FBN3: variants seen among roughly 807,000 people sequenced by gnomAD.
FBN3 encodes fibrillin 3.
FBN3 carries 234 observed loss-of-function variants against 330.1 expected under a neutral mutation model. The ratio of observed to expected loss-of-function variants is 0.71; its 90% CI spans 0.64 to 0.79. The LOEUF (loss-of-function observed/expected upper bound fraction) is 0.79, where lower values mean the gene tolerates loss of function less well. FBN3 is among the 30% of genes least tolerant of loss of function. The pLI, the probability that FBN3 is intolerant of heterozygous loss-of-function variation, is 0.00. For synonymous variants in FBN3, 1,458 were observed against 1,517.3 expected (o/e 0.96, Z 0.91); for missense variants, 3,606 against 3,886.9 (o/e 0.93, Z 1.92).
Position 8,083,322 on chromosome 19 carries a change from T to C in FBN3, c.7138A>G (p.Ile2380Val), listed in dbSNP as rs1369287843. The change falls in exon 57 of 64, where the codon ATC (isoleucine) becomes GTC (valine). Residue 2380 changes from isoleucine to valine, a missense_variant. By Grantham distance (29) the Ile-to-Val change is conservative. Transcript: ENST00000600128. ...LAHLCAHGEC[I>V]NSLGSFRCHC... ...CAGCGGAAGGAGCCAAGGCTGTTGA[T>C]GCACTCCCCATGAGCACACAGGTGA... The C allele has an allele frequency of 1.2e-6, 2 of 1,614,100 alleles. No individual in the cohort carries two copies. The highest frequency in any genetic ancestry group is 1.1e-5 in the South Asian group (1 of 91,090).
chr19:8,140,324 C>A (rs1257806845), intron 8 of FBN3, among the ~76,000 whole-genome samples: 1 of 152,100 alleles, frequency 6.6e-6, no homozygotes, highest in Non-Finnish European at 1.5e-5. Flanking sequence ...ATTAGCCGGG[C>A]ATGGTGGTGG....
At position 8,083,494 on chromosome 19, in the gene FBN3, C is replaced by A; in HGVS notation, c.7088-122G>T. On this transcript the variant is annotated intron_variant, in intron 56 of 63. Coordinates refer to ENST00000600128, the MANE Select transcript of FBN3 (RefSeq NM_032447.5). Reference sequence around the variant, plus strand: ...GGAAAGTCCAGCCTCCCTTCCACACCGGCCACTGCACCCCAGCCCACGTGG... The same window carrying A: ...GGAAAGTCCAGCCTCCCTTCCACACAGGCCACTGCACCCCAGCCCACGTGG... 3.4e-6 allele frequency: 4 copies of A among 1,185,544 alleles called. No homozygotes were observed. The South Asian group carries it at 5.5e-5, about 16-fold the overall frequency. 73.4% of individuals were successfully genotyped at this position (1,185,544 alleles called of 1,614,324 possible). A position where few individuals can be genotyped will look rare whatever the true frequency, so the allele number is the denominator to read the frequency against.
rs1599302464 is a variant in FBN3 at position 8,087,000 on chromosome 19, C to T, written c.6754+77G>A. ...GGATGACAGGTATGAGTCACCGTGC[C>T]CGGTCCAACCCTCTTGCTTTGACCT... On this transcript the variant is annotated intron_variant, in intron 54 of 63. Coordinates refer to ENST00000600128, the MANE Select transcript of FBN3 (RefSeq NM_032447.5). 11 of 1,521,986 alleles carry T rather than the reference C, an allele frequency of 7.2e-6. 1 individual carries two copies. The South Asian group carries it at 1.1e-4, about 15-fold the overall frequency. The allele number at this position is 1,521,986 out of a possible 1,614,324, so 94.3% of individuals were successfully genotyped here. A position where few individuals can be genotyped will look rare whatever the true frequency, so the allele number is the denominator to read the frequency against.
At chr19:8,116,211 T>C (rs1379428041) in intron 29 of FBN3, among the ~76,000 whole-genome samples, 4 of 152,162 alleles carry the variant, frequency 2.6e-5, no homozygotes, top group African/African-American at 9.7e-5. Flanking sequence ...GCAGTACACA[T>C]CTGCTCCCCA....
At chr19:8,082,456 C>CCCTTCCTTCCTTCCTT (rs201197502) in intron 57 of FBN3, among the ~76,000 whole-genome samples, 3 of 136,136 alleles carry the variant, frequency 2.2e-5, no homozygotes, top group African/African-American at 8.4e-5. Context: ...TCCTTCCCTT[C>CCCTTCCTTCCTTCCTT]CCTTCCTTCC....
intron 21 of FBN3, 45 bp downstream of exon 21, chr19:8,126,252 C>A (rs369908148): frequency 1.3e-6 from 2 of 1,563,248 alleles, no homozygotes; most frequent in Middle Eastern, 1.8e-4. Context: ...TGGTTGTGTG[C>A]GGGCTCTGGA....
At chr19:8,143,047 A>T (rs1278887127) in intron 6 of FBN3, among the ~76,000 whole-genome samples, 1 of 152,114 alleles carries the variant, frequency 6.6e-6, no homozygotes, top group East Asian at 1.9e-4. Context: ...AGGCACCCAG[A>T]TGCCTCTGCA....
At chr19:8,115,447 C>T in intron 30 of FBN3, 68 bp downstream of exon 30, 1 of 1,572,016 alleles carries the variant, frequency 6.4e-7, no homozygotes, top group Non-Finnish European at 8.6e-7. Flanking sequence ...GGGATGGAAA[C>T]AGACCCCATG....
chr19:8,111,035 T>C, intron 33 of FBN3, 23 bp downstream of exon 33: 1 of 1,613,442 alleles, frequency 6.2e-7, no homozygotes. Context: ...CTCTGTCCTC[T>C]GCCCTGGCGG....
At chr19:8,092,582 G>T (rs2082119379) in intron 47 of FBN3, among the ~76,000 whole-genome samples, 1 of 151,672 alleles carries the variant, frequency 6.6e-6, no homozygotes, top group Non-Finnish European at 1.5e-5. Context: ...GCATTGTGGC[G>T]GGGCGCACCT....
At chr19:8,068,880 C>T (rs1251063956) in intron 63 of FBN3, among the ~76,000 whole-genome samples, 2 of 151,986 alleles carry the variant, frequency 1.3e-5, no homozygotes, top group Admixed American at 6.6e-5. Flanking sequence ...CACTGTTACA[C>T]ACTACAGACC....
chr19:8,114,428 T>C (rs112788769), intron 30 of FBN3, among the ~76,000 whole-genome samples: 2,792 of 152,160 alleles, frequency 0.018, 92 homozygotes, highest in African/African-American at 0.064. Flanking sequence ...TTTGTATTTT[T>C]AGTAGTGACG....
chr19:8,097,142 T>C, intron 42 of FBN3, 136 bp from the exon 43 acceptor site: 2 of 1,461,952 alleles, frequency 1.4e-6, no homozygotes, highest in South Asian at 2.6e-5. Flanking sequence ...GGTGGTTATA[T>C]GAGATGGAGG....
intron 38 of FBN3, among the ~76,000 whole-genome samples, chr19:8,104,636 A>G (rs1568400572): frequency 6.6e-6 from 1 of 152,112 alleles, no homozygotes; most frequent in African/African-American, 2.4e-5. Context: ...TGGATAAAGT[A>G]TTCTTGGGGG....
Position 8,138,302 on chromosome 19 carries a change from G to C in FBN3, c.1040C>G (p.Ala347Gly). The change falls in exon 10 of 64, where the codon GCC becomes GGC. Residue 347 changes from alanine to glycine, a missense_variant. Transcript: ENST00000600128. ...GCCGGGTAGCAGCGGCAGCCGCTGGGCGCACAGTTGCTGGAATTCATCTGC... is the reference window on the plus strand; with the variant it reads ...GCCGGGTAGCAGCGGCAGCCGCTGGCCGCACAGTTGCTGGAATTCATCTGC... ...RGSNEFQQLC[A>G]QRLPLLPGHP... 2 of 1,613,248 alleles carry C rather than the reference G, an allele frequency of 1.2e-6. No individual in the cohort carries two copies. The highest frequency in any genetic ancestry group is 1.1e-5 in the South Asian group (1 of 91,034).
Position 8,123,767 on chromosome 19 carries a change from C to G in FBN3, c.2956+17G>C. The G allele has an allele frequency of 6.2e-7, 1 of 1,612,430 alleles. No homozygotes were observed. Among genetic ancestry groups the G allele is most frequent in the Non-Finnish European group, 8.5e-7 (1 of 1,179,432 alleles). Reference sequence around the variant, plus strand: ...CTCCCCATCCTTCCAGGGGCCTGACCCCTTCCCCAACCGCACCTTTATAGA... The same window carrying G: ...CTCCCCATCCTTCCAGGGGCCTGACGCCTTCCCCAACCGCACCTTTATAGA... On this transcript the variant is annotated intron_variant, in intron 23 of 63. Transcript: ENST00000600128.
rs574443524 is a variant in FBN3, at chr19:8,115,504, C to T, written c.3838+11G>A. 18 of 1,613,244 alleles carry T rather than the reference C, an allele frequency of 1.1e-5. No homozygotes were observed. In the East Asian group the frequency reaches 3.3e-4, roughly 30 times the overall value. Reference sequence around the variant, plus strand: ...AGTCCCCTCTGCCTGCACCGCTGACCGCCGGCTCACCAGAGCAGCCTGTGG... The same window carrying T: ...AGTCCCCTCTGCCTGCACCGCTGACTGCCGGCTCACCAGAGCAGCCTGTGG... On this transcript the variant is annotated intron_variant, in intron 30 of 63. Coordinates refer to ENST00000600128, the MANE Select transcript of FBN3 (RefSeq NM_032447.5).
At position 8,097,009 on chromosome 19, in the gene FBN3, G is replaced by C. The variant is rs1263342747; in HGVS notation, c.5288-3C>G. 6.2e-7 allele frequency: 1 copy of C among 1,611,900 alleles called. No homozygotes were observed. Among genetic ancestry groups the C allele is most frequent in the African/African-American group, 1.3e-5 (1 of 74,912 alleles). On this transcript the variant is annotated splice_region_variant and splice_polypyrimidine_tract_variant and intron_variant, in intron 42 of 63. Coordinates refer to ENST00000600128, the MANE Select transcript of FBN3 (RefSeq NM_032447.5). ...CCTGCTGCCACACTCATCGACATCT[G>C]GGAAAATACAGCAAATGAGGTGGGG...
intron 3 of FBN3, 82 bp downstream of exon 3, chr19:8,147,022 G>A (rs897807999): frequency 1.2e-5 from 15 of 1,293,572 alleles, no homozygotes; most frequent in South Asian, 6.4e-5. Context: ...CTAAGTCCCC[G>A]TGTAAACAGA....
Sources: gnomAD v4.1 joint callset for allele counts (sites outside exome capture counted in the v4.1 genomes callset) on GRCh38, gnomAD v4.1.1 for gene constraint, MANE v1.5 for transcripts, NCBI Gene and HGNC (gene_info 2026-07-23, HGNC 2026-07-21) for gene names.